The following STAB1 variants were observed in gnomAD, a reference collection of about 807,000 sequenced individuals.
STAB1 encodes stabilin-1.
A neutral mutation model predicts 332.4 loss-of-function variants in STAB1; 250 were observed. The observed-to-expected ratio is 0.75, with a 90% confidence interval of 0.68 to 0.84. The LOEUF (loss-of-function observed/expected upper bound fraction) is 0.84. Ranked by LOEUF, STAB1 falls within the 40% of genes least tolerant of loss-of-function variation. STAB1 has a pLI of 0.00. For missense variants in STAB1, 3,249 were observed against 3,489.7 expected, an observed-to-expected ratio of 0.93 and a Z score of 1.74; for synonymous variants, 1,475 against 1,390.4, an observed-to-expected ratio of 1.06 and a Z score of -1.35.
At position 52,518,601 on chromosome 3, in the gene STAB1, C is replaced by T. The variant is rs939471121; in HGVS notation, c.4875C>T (p.Ser1625=). ...TIFVPHADLM[S]NLSQDELARI... ...TCGTGCCGCACGCAGATCTAATGAG[C>T]AACCTGTCGCAGGTATGCAGCCCCC... The change falls in exon 47 of 69, where the codon AGC becomes AGT. Residue 1625 remains serine (S), a synonymous_variant. Coordinates refer to ENST00000321725, the MANE Select transcript of STAB1 (RefSeq NM_015136.3). 11 of 1,605,406 alleles carry T rather than the reference C, an allele frequency of 6.9e-6. No homozygotes were observed. In the Admixed American group the frequency reaches 1.4e-4, roughly 20 times the overall value.
chr3:52,513,124 T>C lies in STAB1; in HGVS notation c.3159-6T>C. Reference sequence around the variant, plus strand: ...TCCATGACCCCCCTAAACTGTGCCCTGTCAGGGCCCATTTTCTCCAGGGTG... The same window carrying C: ...TCCATGACCCCCCTAAACTGTGCCCCGTCAGGGCCCATTTTCTCCAGGGTG... On this transcript the variant is annotated splice_polypyrimidine_tract_variant and splice_region_variant and intron_variant, in intron 29 of 68. Transcript: ENST00000321725. 3 of 1,561,756 alleles carry C rather than the reference T, an allele frequency of 1.9e-6. No homozygotes were observed. Among genetic ancestry groups the C allele is most frequent in the Non-Finnish European group, 1.7e-6 (2 of 1,152,688 alleles).
chr3:52,522,988 A>G (rs1451149801), intron 62 of STAB1, 37 bp from the exon 63 acceptor site: 2 of 1,595,304 alleles, frequency 1.3e-6, no homozygotes, highest in South Asian at 1.1e-5. Context: ...GCCCCTTCCC[A>G]CCAATCTGCT....
In STAB1 at chr3:52,509,228, G is replaced by A; in HGVS notation, c.2254G>A (p.Gly752Ser). 1.2e-6 allele frequency: 2 copies of A among 1,613,590 alleles called. No individual in the cohort carries two copies. The highest frequency in any genetic ancestry group is 8.5e-7 in the Non-Finnish European group (1 of 1,179,964). ...TCTCTAGTGCAGTGATGGGATCCAG[G>A]GCAATGGGGCCTGCCTCTGCTTCCC... ...GKGNCSDGIQ[G>S]NGACLCFPDY... Residue 752 changes from glycine (G) to serine (S), a missense_variant, in exon 22 of 69, where the codon GGC becomes AGC. Gly to Ser is a moderately conservative substitution (Grantham distance 56). Transcript: ENST00000321725.
chr3:52,514,897 C>G (rs889738655), intron 35 of STAB1, 68 bp downstream of exon 35: 8 of 1,612,494 alleles, frequency 5.0e-6, no homozygotes, highest in Non-Finnish European at 6.8e-6. Flanking sequence ...GCTGACCTGA[C>G]TAGTGGGGAG....
At chr3:52,496,501 T>C (rs1708036623) in intron 1 of STAB1, among the ~76,000 whole-genome samples, 2 of 152,186 alleles carry the variant, frequency 1.3e-5, no homozygotes, top group African/African-American at 4.8e-5. Flanking sequence ...TGGATGCCTG[T>C]GGTCCCTCAG....
At position 52,520,025 on chromosome 3, in the gene STAB1, G is replaced by A; in HGVS notation, c.5317G>A (p.Ala1773Thr). Residue 1773 changes from alanine to threonine, a missense_variant, in exon 51 of 69, where the codon GCT (alanine) becomes ACT (threonine). Ala to Thr is a moderately conservative substitution (Grantham distance 58, BLOSUM62 0). Transcript: ENST00000321725. Reference protein sequence around the residue: ...MLWPTDAAFRALPPDRQAWLY... With the variant: ...MLWPTDAAFRTLPPDRQAWLY... ...GTGGCCCACAGACGCCGCCTTTCGA[G>A]CTCTGCCTCCGGATCGCCAGGCCTG... 1 of 1,612,556 alleles carries A rather than the reference G, an allele frequency of 6.2e-7. No homozygotes were observed. The highest frequency in any genetic ancestry group is 8.5e-7 in the Non-Finnish European group (1 of 1,179,898).
At chr3:52,510,769 G>A (rs745734267) in intron 25 of STAB1, among the ~76,000 whole-genome samples, 5 of 152,194 alleles carry the variant, frequency 3.3e-5, no homozygotes, top group Non-Finnish European at 7.3e-5. Flanking sequence ...GAGCAAAGCA[G>A]GAAAAGCCCC....
chr3:52,519,948 C>T lies in STAB1; in HGVS notation c.5240C>T (p.Ala1747Val), dbSNP rs2079017312. Residue 1747 changes from alanine (A) to valine (V), a missense_variant, in exon 51 of 69, where the codon GCC becomes GTC. Ala to Val is a moderately conservative substitution (Grantham distance 64). Coordinates refer to ENST00000321725, the MANE Select transcript of STAB1 (RefSeq NM_015136.3). ...ATCTTTGCTGCACCCCACCAGGTGG[C>T]CGGCCTCCTGCCCCTGCTTCGAGAG... Reference protein sequence around the residue: ...YKIFSGLLKVAGLLPLLREAS... With the variant: ...YKIFSGLLKVVGLLPLLREAS... The T allele has an allele frequency of 1.3e-6, 2 of 1,571,504 alleles. No homozygotes were observed. The highest frequency in any genetic ancestry group is 1.7e-6 in the Non-Finnish European group (2 of 1,158,932).
chr3:52,522,274 G>A, intron 59 of STAB1, 44 bp downstream of exon 59: 1 of 1,611,294 alleles, frequency 6.2e-7, no homozygotes, highest in Non-Finnish European at 8.5e-7. Context: ...GGGAGGCCTG[G>A]CAGAACTTCC....
rs1708450607 is a variant in STAB1 at position 52,501,629 on chromosome 3, T to C, written c.216-9T>C. ...CTTTTCCATCACCCTGCCCACCCTC[T>C]GCCCCCAGCTACGAAGTACAGCTGG... On this transcript the variant is annotated splice_polypyrimidine_tract_variant and intron_variant, in intron 2 of 68. Transcript: ENST00000321725. The C allele has an allele frequency of 1.3e-6, 2 of 1,550,388 alleles. No individual in the cohort carries two copies. Among genetic ancestry groups the C allele is most frequent in the Middle Eastern group, 1.7e-4 (1 of 5,976 alleles).
chr3:52,517,948 G>A lies in STAB1; in HGVS notation c.4706G>A (p.Cys1569Tyr). ...GGGGATGGCCAGAGGACATGTACCT[G>A]CGACACAGCCCACACCGTGGGGGAC... is the stretch of plus-strand genomic sequence containing the variant. ...STGDGQRTCT[C>Y]DTAHTVGDGL... is the part of the protein sequence containing the mutation. The change falls in exon 45 of 69, where the codon TGC becomes TAC. Residue 1569 changes from cysteine (C) to tyrosine (Y), a missense_variant. Transcript: ENST00000321725. 1 of 1,610,540 alleles carries A rather than the reference G, an allele frequency of 6.2e-7. No homozygotes were observed. Among genetic ancestry groups the A allele is most frequent in the Non-Finnish European group, 8.5e-7 (1 of 1,179,328 alleles).
rs571483902 is a variant in STAB1, at chr3:52,521,152, G to A, written c.5908+147G>A. On this transcript the variant is annotated intron_variant, in intron 55 of 68. Coordinates refer to ENST00000321725, the MANE Select transcript of STAB1 (RefSeq NM_015136.3). ...GTAGATTTTACTAGCGGGAGTGCTC[G>A]GGAGAGGCATGGCGGTAGTGTGGAC... 1.0e-4 allele frequency: 125 copies of A among 1,201,154 alleles called. No homozygotes were observed. The Admixed American group carries it at 3.1e-3, about 30-fold the overall frequency. The allele number at this position is 1,201,154 out of a possible 1,614,324, so 74.4% of individuals were successfully genotyped here.
rs373996604 is a variant in STAB1, at chr3:52,517,093, C to T, written c.4473C>T (p.Asp1491=). Residue 1491 remains aspartate (D), a synonymous_variant, in exon 42 of 69, where the codon GAC becomes GAT. Coordinates refer to ENST00000321725, the MANE Select transcript of STAB1 (RefSeq NM_015136.3). ...CCTGCCAGGATGGCTACATGGGCGA[C>T]GGGGAGCTGTGCCAGGGTGAGACTA... ...TCTCQDGYMG[D]GELCQEINSC... 1.0e-5 allele frequency: 16 copies of T among 1,565,546 alleles called. No homozygotes were observed. The highest frequency in any genetic ancestry group is 3.7e-5 in the Admixed American group (2 of 54,000).
rs773677869 is a variant in STAB1 at position 52,510,468 on chromosome 3, C to T, written c.2748C>T (p.Cys916=). 1.9e-6 allele frequency: 3 copies of T among 1,613,670 alleles called. No homozygotes were observed. Among genetic ancestry groups the T allele is most frequent in the Non-Finnish European group, 2.5e-6 (3 of 1,180,000 alleles). Reference sequence around the variant, plus strand: ...GTGAGCTGGACATGAGAGGTGGCTGCCACACCGATGCCCTCTGCAGCTATG... The same window carrying T: ...GTGAGCTGGACATGAGAGGTGGCTGTCACACCGATGCCCTCTGCAGCTATG... ...DECELDMRGG[C]HTDALCSYVG... Residue 916 remains cysteine, a synonymous_variant, in exon 25 of 69, where the codon TGC becomes TGT. Transcript: ENST00000321725.
In STAB1 at chr3:52,514,404, G is replaced by A. The variant is rs1350027097; in HGVS notation, c.3586G>A (p.Ala1196Thr). ...TVRHHVVLGEALSMETLRKGG... is the reference protein window; with the variant it reads ...TVRHHVVLGETLSMETLRKGG... ...GCGGCACCATGTGGTCCTGGGGGAG[G>A]CCCTCTCCATGGAAACCCTGCGGAA... The change falls in exon 34 of 69, where the codon GCC (alanine) becomes ACC (threonine). Residue 1196 changes from alanine to threonine, a missense_variant. Ala to Thr is a moderately conservative substitution (Grantham distance 58). Transcript: ENST00000321725. 5 of 1,551,846 alleles carry A rather than the reference G, an allele frequency of 3.2e-6. No homozygotes were observed. The highest frequency in any genetic ancestry group is 4.4e-6 in the Non-Finnish European group (5 of 1,148,544).
chr3:52,504,918 C>G (rs1463463835), intron 12 of STAB1, 42 bp downstream of exon 12: 1 of 1,613,320 alleles, frequency 6.2e-7, no homozygotes, highest in Non-Finnish European at 8.5e-7. Flanking sequence ...GGAGTCACAG[C>G]CTGGCAAGGG....
chr3:52,513,067 C>T, intron 29 of STAB1, 63 bp from the exon 30 acceptor site: 3 of 1,554,952 alleles, frequency 1.9e-6, no homozygotes, highest in Middle Eastern at 1.7e-4. Flanking sequence ...GGGCCCAGCC[C>T]CAAAGGTCTC....
Position 52,519,246 on chromosome 3 carries a change from C to T in STAB1, c.5035-18C>T, listed in dbSNP as rs1193374441. 3.7e-6 allele frequency: 6 copies of T among 1,606,962 alleles called. No homozygotes were observed. The African/African-American group carries it at 8.0e-5, about 22-fold the overall frequency. ...CACCCCACCTATCTGCTTCATCAGC[C>T]CCGTGCCCCGCCCCCAGGGCAGCAT... is the stretch of plus-strand genomic sequence containing the variant. On this transcript the variant is annotated intron_variant, in intron 48 of 68. Coordinates refer to ENST00000321725, the MANE Select transcript of STAB1 (RefSeq NM_015136.3).
intron 1 of STAB1, among the ~76,000 whole-genome samples, chr3:52,499,674 C>T (rs1310630264): frequency 4.7e-5 from 7 of 150,466 alleles, no homozygotes; most frequent in Middle Eastern, 3.4e-3. Context: ...CCGAGGCGGG[C>T]GGATCACGAG....
Sources: allele counts gnomAD v4.1 joint callset (sites outside exome capture counted in the v4.1 genomes callset), GRCh38; gene constraint gnomAD v4.1.1; transcripts MANE v1.5; gene names NCBI Gene and HGNC (gene_info 2026-07-23, HGNC 2026-07-21).